Variants in HTR2B observed in about 807,000 individuals in gnomAD.
HTR2B encodes 5-hydroxytryptamine receptor 2B, also known as 5-HT 2B receptor.
In HTR2B, 31 loss-of-function variants were observed where a neutral mutation model predicts 39.8. The observed-to-expected ratio is 0.78, with a 90% CI of 0.58 to 1.05. HTR2B has a LOEUF of 1.05. Ranked by LOEUF, HTR2B falls within the 50% of genes least tolerant of loss-of-function variation. The pLI is 0.00. For synonymous variants in HTR2B, 210 were observed against 207.1 expected, an observed-to-expected ratio of 1.01 and a Z score of -0.12; for missense variants, 562 against 578.0, an observed-to-expected ratio of 0.97 and a Z score of 0.28.
At chr2:231,124,644 G>C (rs1342608670) in intron 1 of HTR2B, among the ~76,000 whole-genome samples, 1 of 152,038 alleles carries the variant, frequency 6.6e-6, no homozygotes, top group Non-Finnish European at 1.5e-5. Context: ...CATCTCTCAT[G>C]GTATGTCTTT....
At chr2:231,109,435 T>C (rs754550450) in intron 3 of HTR2B, 26 bp from the exon 4 acceptor site, 6 of 1,597,144 alleles carry the variant, frequency 3.8e-6, no homozygotes, top group Non-Finnish European at 4.3e-6. Flanking sequence ...ACAAGATAAA[T>C]TGAGTCATTT....
intron 2 of HTR2B, among the ~76,000 whole-genome samples, chr2:231,121,948 A>C (rs1425435583): frequency 6.6e-6 from 1 of 151,964 alleles, no homozygotes; most frequent in Non-Finnish European, 1.5e-5. Context: ...CATGGAGATG[A>C]GAGCTAGAAT....
At chr2:231,122,620 A>G (rs1361760188) in intron 2 of HTR2B, among the ~76,000 whole-genome samples, 1 of 152,094 alleles carries the variant, frequency 6.6e-6, no homozygotes, top group African/African-American at 2.4e-5. Context: ...GTTTATCCAA[A>G]TTTTATAACT....
chr2:231,108,788 C>A lies in HTR2B; in HGVS notation c.1175G>T (p.Gly392Val). The A allele has an allele frequency of 6.2e-7, 1 of 1,614,034 alleles. No individual in the cohort carries two copies. Among genetic ancestry groups the A allele is most frequent in the Non-Finnish European group, 8.5e-7 (1 of 1,179,998 alleles). The change falls in exon 4 of 4, where the codon GGC (glycine) becomes GTC (valine). Residue 392 changes from glycine to valine, a missense_variant. Gly to Val is a moderately radical substitution (Grantham distance 109). Transcript: ENST00000258400. ...LFNKTFRDAF[G>V]RYITCNYRAT... ...CCGGTAATTGCAGGTGATATATCGG[C>A]CAAATGCATCCCGAAATGTCTTATT...
At chr2:231,109,530 C>A in intron 3 of HTR2B, 121 bp from the exon 4 acceptor site, 1 of 832,702 alleles carries the variant, frequency 1.2e-6, no homozygotes, top group Non-Finnish European at 1.9e-6. Context: ...TTCCTGGGAC[C>A]CACAATGCAG....
At chr2:231,124,517 G>A (rs1336418025) in intron 1 of HTR2B, among the ~76,000 whole-genome samples, 2 of 151,742 alleles carry the variant, frequency 1.3e-5, no homozygotes, top group African/African-American at 4.8e-5. Context: ...TATGTAATTA[G>A]CTTTGTCTTA....
At chr2:231,112,482 C>T (rs1373675228) in intron 3 of HTR2B, among the ~76,000 whole-genome samples, 1 of 152,200 alleles carries the variant, frequency 6.6e-6, no homozygotes, top group Non-Finnish European at 1.5e-5. Flanking sequence ...AGATCAAGCC[C>T]TTATATCATC....
At chr2:231,122,238 A>T (rs896679097) in intron 2 of HTR2B, among the ~76,000 whole-genome samples, 4 of 152,128 alleles carry the variant, frequency 2.6e-5, no homozygotes, top group African/African-American at 9.6e-5. Context: ...TTTAAAGCCC[A>T]GGTAAATGTT....
intron 2 of HTR2B, among the ~76,000 whole-genome samples, chr2:231,117,044 A>T (rs912963372): frequency 6.6e-6 from 1 of 152,092 alleles, no homozygotes; most frequent in Non-Finnish European, 1.5e-5. Flanking sequence ...AAACAGTTCT[A>T]GACACACTTG....
intron 2 of HTR2B, among the ~76,000 whole-genome samples, chr2:231,121,317 C>G (rs919143884): frequency 6.6e-6 from 1 of 152,086 alleles, no homozygotes; most frequent in Non-Finnish European, 1.5e-5. Flanking sequence ...CACTTGAACC[C>G]AGGAGTTTGA....
intron 2 of HTR2B, among the ~76,000 whole-genome samples, chr2:231,120,083 C>CT (rs1254142569): frequency 1.3e-5 from 2 of 151,666 alleles, no homozygotes; most frequent in African/African-American, 4.8e-5. Flanking sequence ...TCCCGAGTAG[C>CT]TGGGACTACA....
chr2:231,114,010 T>G lies in HTR2B; in HGVS notation c.353-81A>C, dbSNP rs560294604. 7 of 1,063,252 alleles carry G rather than the reference T, an allele frequency of 6.6e-6. No individual in the cohort carries two copies. In the East Asian group the frequency reaches 1.5e-4, roughly 23 times the overall value. The allele number at this position is 1,063,252 out of a possible 1,614,324, so 65.9% of individuals were successfully genotyped here. A position where few individuals can be genotyped will look rare whatever the true frequency, so the allele number is the denominator to read the frequency against. On this transcript the variant is annotated intron_variant, in intron 2 of 3. Transcript: ENST00000258400. ...TCTACAGTTTTTCAGGTGATACATC[T>G]TTTGTCTTTTTTGTTACTCATCTGA...
chr2:231,112,800 G>C (rs1225294514), intron 3 of HTR2B, among the ~76,000 whole-genome samples: 1 of 152,016 alleles, frequency 6.6e-6, no homozygotes, highest in East Asian at 1.9e-4. Context: ...GAAGAAAAAG[G>C]ATTTCTTTTA....
At chr2:231,119,865 G>A (rs1191770389) in intron 2 of HTR2B, among the ~76,000 whole-genome samples, 12 of 71,220 alleles carry the variant, frequency 1.7e-4, no homozygotes, top group Non-Finnish European at 2.2e-4. Flanking sequence ...ACGAGACTCC[G>A]TCTCAAAAAA....
intron 3 of HTR2B, among the ~76,000 whole-genome samples, chr2:231,110,020 T>C (rs1041373560): frequency 2.0e-5 from 3 of 152,228 alleles, no homozygotes; most frequent in African/African-American, 7.2e-5. Context: ...TCTTAATCTT[T>C]CTTCTTCTGT....
Position 231,113,949 on chromosome 2 carries a change from GACAA to G in HTR2B, c.353-24_353-21del, listed in dbSNP as rs371058468. Reference sequence around the variant, plus strand: ...TAGCCTCTGAAAGAAACAAAAACAAGACAAACATTTTATTCTATAAAATGGCAAC... The same window carrying G: ...TAGCCTCTGAAAGAAACAAAAACAAGACATTTTATTCTATAAAATGGCAAC... On this transcript the variant is annotated intron_variant, in intron 2 of 3. Coordinates refer to ENST00000258400, the MANE Select transcript of HTR2B (RefSeq NM_000867.5). 244 of 1,602,942 alleles carry G rather than the reference GACAA, an allele frequency of 1.5e-4. No individual in the cohort carries two copies. The African/African-American group carries it at 2.9e-3, about 19-fold the overall frequency.
At chr2:231,109,830 C>T (rs1053322076) in intron 3 of HTR2B, among the ~76,000 whole-genome samples, 13 of 152,100 alleles carry the variant, frequency 8.5e-5, no homozygotes, top group Non-Finnish European at 1.6e-4. Flanking sequence ...TACATTTATT[C>T]AATATCTTTA....
At chr2:231,121,326 G>A (rs541931889) in intron 2 of HTR2B, among the ~76,000 whole-genome samples, 2 of 152,220 alleles carry the variant, frequency 1.3e-5, no homozygotes, top group South Asian at 4.1e-4. Context: ...CCAGGAGTTT[G>A]AGGCCAGCCC....
At chr2:231,121,183 T>A (rs1695528417) in intron 2 of HTR2B, among the ~76,000 whole-genome samples, 1 of 152,188 alleles carries the variant, frequency 6.6e-6, no homozygotes, top group African/African-American at 2.4e-5. Flanking sequence ...AACTTATTTC[T>A]GATAGTAAAA....
Sources: gnomAD v4.1 joint callset for allele counts (sites outside exome capture counted in the v4.1 genomes callset) on GRCh38, gnomAD v4.1.1 for gene constraint, MANE v1.5 for transcripts, NCBI Gene and HGNC (gene_info 2026-07-23, HGNC 2026-07-21) for gene names.